RPRD2: variants seen among roughly 807,000 people sequenced by gnomAD.
The protein encoded by RPRD2 is regulation of nuclear pre-mRNA domain-containing protein 2.
A neutral mutation model predicts 104.4 loss-of-function variants in RPRD2; 12 were observed. That is an observed-to-expected ratio of 0.11 (90% CI 0.07 to 0.19). The LOEUF is 0.19. Ranked by LOEUF, RPRD2 falls within the 10% of genes least tolerant of loss-of-function variation. The probability of loss-of-function intolerance (pLI) is 1.00; values close to 1 mark genes in which losing one functional copy is unlikely to be tolerated. For missense variants in RPRD2, 1,543 were observed against 1,790.1 expected (o/e 0.86, Z 2.49); for synonymous variants, 714 against 684.9 (o/e 1.04, Z -0.66).
intron 10 of RPRD2, among the ~76,000 whole-genome samples, chr1:150,465,269 C>G (rs1467235825): frequency 1.3e-5 from 2 of 152,062 alleles, no homozygotes; most frequent in Non-Finnish European, 2.9e-5. Context: ...AGGTGCCCAC[C>G]ACCACATCCA....
At chr1:150,378,641 C>T (rs1553880090) in intron 1 of RPRD2, among the ~76,000 whole-genome samples, 2 of 152,094 alleles carry the variant, frequency 1.3e-5, no homozygotes, top group African/African-American at 4.8e-5. Flanking sequence ...AATTTGCTCC[C>T]ACTAAATTTT....
chr1:150,466,760 TTTTC>T (rs1668308442), intron 10 of RPRD2, among the ~76,000 whole-genome samples: 1 of 152,150 alleles, frequency 6.6e-6, no homozygotes, highest in Non-Finnish European at 1.5e-5. Context: ...TTCTAACCTT[TTTTC>T]ATAAATCTTT....
chr1:150,398,575 ACT>A, intron 1 of RPRD2, among the ~76,000 whole-genome samples: 1 of 137,846 alleles, frequency 7.3e-6, no homozygotes, highest in East Asian at 2.1e-4. Flanking sequence ...ACAGAGTCTC[ACT>A]CTGTCACCCA....
intron 2 of RPRD2, among the ~76,000 whole-genome samples, chr1:150,419,744 C>A (rs1463325405): frequency 1.3e-5 from 2 of 152,180 alleles, no homozygotes; most frequent in Non-Finnish European, 2.9e-5. Context: ...ATTCTCCTGC[C>A]TCAGCCTCCC....
Position 150,473,974 on chromosome 1 carries a change from A to G in RPRD2, c.*640A>G, listed in dbSNP as rs1466370390. The G allele has an allele frequency of 6.6e-6, 1 of 152,244 alleles. No individual in the cohort carries two copies. Among genetic ancestry groups the G allele is most frequent in the Admixed American group, 6.5e-5 (1 of 15,278 alleles). The allele number at this position is 152,244 out of a possible 1,614,324, so 9.4% of individuals were successfully genotyped here. A position where few individuals can be genotyped will look rare whatever the true frequency, so the allele number is the denominator to read the frequency against. On this transcript the variant is annotated 3_prime_UTR_variant, in exon 11 of 11. Transcript: ENST00000369068. ...TACCCTTCTCCTAAAATCTTTTTTT[A>G]ATCAGCCTCAAGGTTAAAATAAGGA... is the stretch of plus-strand genomic sequence containing the variant.
intron 2 of RPRD2, among the ~76,000 whole-genome samples, chr1:150,434,499 T>C (rs587718421): frequency 2.0e-5 from 3 of 152,246 alleles, no homozygotes; most frequent in Admixed American, 6.5e-5. Flanking sequence ...TAAATACTAA[T>C]GGAGTATTGT....
chr1:150,384,354 A>G (rs1560154717), intron 1 of RPRD2, among the ~76,000 whole-genome samples: 1 of 151,920 alleles, frequency 6.6e-6, no homozygotes, highest in Non-Finnish European at 1.5e-5. Context: ...ATATAAGCAA[A>G]AGTGTGAAAG....
chr1:150,365,054 T>C (rs1446988318), intron 1 of RPRD2, 135 bp downstream of exon 1: 1 of 806,440 alleles, frequency 1.2e-6, no homozygotes, highest in Non-Finnish European at 1.9e-6. Context: ...ACCCCAGTGG[T>C]CCCAAACCCA....
At chr1:150,393,454 C>CAAAAAAAAAAAAAAAAAAA (rs1203478537) in intron 1 of RPRD2, among the ~76,000 whole-genome samples, 1 of 59,536 alleles carries the variant, frequency 1.7e-5, no homozygotes, top group African/African-American at 5.9e-5. Context: ...GACCCTGTCT[C>CAAAAAAAAAAAAAAAAAAA]AAAAAAAAAA....
chr1:150,446,121 C>T, intron 6 of RPRD2, 105 bp from the exon 7 acceptor site: 2 of 723,170 alleles, frequency 2.8e-6, no homozygotes, highest in Non-Finnish European at 4.4e-6. Flanking sequence ...CACAGTAAGG[C>T]AGCAAGAGTA....
At chr1:150,366,599 A>AT (rs1389090771) in intron 1 of RPRD2, among the ~76,000 whole-genome samples, 1 of 152,192 alleles carries the variant, frequency 6.6e-6, no homozygotes. Context: ...TGAGAAGTAG[A>AT]TTTTTTAATC....
intron 2 of RPRD2, among the ~76,000 whole-genome samples, chr1:150,432,807 G>A (rs888084859): frequency 3.3e-5 from 5 of 151,544 alleles, no homozygotes; most frequent in Non-Finnish European, 5.9e-5. Flanking sequence ...GTGAGATTCC[G>A]TCTCTAAAAA....
At chr1:150,463,505 C>T (rs185049499) in intron 9 of RPRD2, among the ~76,000 whole-genome samples, 4 of 152,214 alleles carry the variant, frequency 2.6e-5, no homozygotes, top group Admixed American at 6.5e-5. Flanking sequence ...ATTTCCATTT[C>T]TTCTATGAAA....
chr1:150,377,856 G>A (rs1462431217), intron 1 of RPRD2, among the ~76,000 whole-genome samples: 1 of 151,970 alleles, frequency 6.6e-6, no homozygotes, highest in Non-Finnish European at 1.5e-5. Flanking sequence ...ATATAGATGT[G>A]TAACAGTTGA....
intron 1 of RPRD2, among the ~76,000 whole-genome samples, chr1:150,391,715 C>T (rs1172828313): frequency 6.6e-6 from 1 of 152,152 alleles, no homozygotes; most frequent in Admixed American, 6.5e-5. Context: ...TGAGACCAGC[C>T]TGGCCAACAT....
intron 2 of RPRD2, among the ~76,000 whole-genome samples, chr1:150,434,067 A>T (rs2102332834): frequency 6.6e-6 from 1 of 152,224 alleles, no homozygotes; most frequent in African/African-American, 2.4e-5. Context: ...AATACATGAA[A>T]TATCTGGCCA....
intron 2 of RPRD2, among the ~76,000 whole-genome samples, chr1:150,438,267 G>A (rs1416756668): frequency 6.6e-6 from 1 of 152,056 alleles, no homozygotes; most frequent in Non-Finnish European, 1.5e-5. Flanking sequence ...TCCGGCCTGG[G>A]CGACAGAGCA....
intron 2 of RPRD2, among the ~76,000 whole-genome samples, chr1:150,439,023 C>T (rs12145566): frequency 0.22 from 33,682 of 151,728 alleles, 4,250 homozygotes; most frequent in African/African-American, 0.32. Context: ...TTAGTAGAGA[C>T]GGGGTTTCAC....
intron 3 of RPRD2, 111 bp from the exon 4 acceptor site, chr1:150,441,770 A>G: frequency 1.7e-6 from 1 of 593,678 alleles, no homozygotes. Flanking sequence ...AAAGAAAGAA[A>G]CAACACACAG....
Sources: allele counts gnomAD v4.1 joint callset (sites outside exome capture counted in the v4.1 genomes callset), GRCh38; gene constraint gnomAD v4.1.1; transcripts MANE v1.5; gene names NCBI Gene and HGNC (gene_info 2026-07-23, HGNC 2026-07-21).